The following TCF7L2 variants were observed in gnomAD, a reference collection of about 807,000 sequenced individuals.
TCF7L2 encodes the protein transcription factor 7 like 2, also known as transcription factor 7-like 2.
Under a neutral mutation model 77.9 loss-of-function variants are expected in TCF7L2, and 23 were observed. That is an observed-to-expected ratio of 0.30 (90% CI 0.21 to 0.42). The LOEUF is 0.42. Ranked by LOEUF, TCF7L2 falls within the 10% of genes least tolerant of loss-of-function variation. TCF7L2 has a pLI of 1.00. For missense variants in TCF7L2, 654 were observed against 793.1 expected (o/e 0.82, Z 2.11); for synonymous variants, 413 against 340.2 (o/e 1.21, Z -2.36).
chr10:113,086,497 C>T (rs1318442086), intron 5 of TCF7L2, among the ~76,000 whole-genome samples: 4 of 152,192 alleles, frequency 2.6e-5, no homozygotes, highest in Non-Finnish European at 5.9e-5. Flanking sequence ...GATTCTGAAC[C>T]TGCATCTATG....
chr10:113,160,544 T>A, intron 12 of TCF7L2: 1 of 1,345,132 alleles, frequency 7.4e-7, no homozygotes, highest in African/African-American at 1.5e-5. Context: ...AAGGAAGCTG[T>A]AGCTGAGATT....
Position 113,064,087 on chromosome 10 carries a change from G to A in TCF7L2, c.552+23961G>A, listed in dbSNP as rs1452453215. On this transcript the variant is annotated intron_variant, in intron 5 of 13. Transcript: ENST00000627217. ...TGTTAAGAGCTTGCTGGAGTCAGGT[G>A]GAGTCCCTGCCATTTTGCCTCTCAT... Among the ~76,000 whole-genome samples, 3 of 152,166 alleles carry A rather than the reference G, an allele frequency of 2.0e-5. No individual in the cohort carries two copies. The East Asian group carries it at 5.8e-4, about 29-fold the overall frequency.
At chr10:113,022,566 C>T (rs925218517) in intron 4 of TCF7L2, among the ~76,000 whole-genome samples, 2 of 152,186 alleles carry the variant, frequency 1.3e-5, no homozygotes, top group African/African-American at 4.8e-5. Context: ...GTGTTCATTT[C>T]CCCCTTAAGC....
chr10:113,102,680 C>T (rs552481556), intron 5 of TCF7L2, among the ~76,000 whole-genome samples: 20 of 152,182 alleles, frequency 1.3e-4, no homozygotes, highest in African/African-American at 4.6e-4. Flanking sequence ...TCTTCCTCGG[C>T]CCCTCTAAGT....
In TCF7L2 at chr10:113,167,209, A is replaced by AGAT. The variant is rs1291968266; in HGVS notation, c.*1238_*1240dup. 1.3e-4 allele frequency: 30 copies of AGAT among 229,196 alleles called. No individual in the cohort carries two copies. The highest frequency in any genetic ancestry group is 6.6e-4 in the African/African-American group (30 of 45,254). 14.2% of individuals were successfully genotyped at this position (229,196 alleles called of 1,614,324 possible). On this transcript the variant is annotated 3_prime_UTR_variant, in exon 14 of 14. Transcript: ENST00000627217. Reference sequence around the variant, plus strand: ...CCTATAACAAAATGTGTTTGGTAGCAGATTGTCCAGAAAGCATTTTAAATG... The same window carrying AGAT: ...CCTATAACAAAATGTGTTTGGTAGCAGATGATTGTCCAGAAAGCATTTTAAATG...
chr10:113,148,735 G>A (rs2137059471), intron 8 of TCF7L2, among the ~76,000 whole-genome samples: 1 of 152,340 alleles, frequency 6.6e-6, no homozygotes, highest in South Asian at 2.1e-4. Context: ...ATAGTAGTCT[G>A]CAGAAAGGAA....
chr10:113,041,938 G>A (rs1436820143), intron 5 of TCF7L2, among the ~76,000 whole-genome samples: 1 of 152,168 alleles, frequency 6.6e-6, no homozygotes, highest in Non-Finnish European at 1.5e-5. Context: ...CTCTCTCTTT[G>A]AGTGAGGAGA....
intron 4 of TCF7L2, among the ~76,000 whole-genome samples, chr10:113,003,386 T>A (rs574293326): frequency 6.2e-4 from 95 of 152,286 alleles, no homozygotes; most frequent in African/African-American, 2.2e-3. Flanking sequence ...GCCAGTAGTG[T>A]CTGCTTTGTA....
intron 5 of TCF7L2, among the ~76,000 whole-genome samples, chr10:113,074,496 T>C (rs1448152634): frequency 1.3e-5 from 2 of 152,214 alleles, no homozygotes. Context: ...TGTCACTTCA[T>C]ACATTTATAA....
chr10:112,951,480 T>C lies in TCF7L2; in HGVS notation c.257-3T>C. On this transcript the variant is annotated splice_polypyrimidine_tract_variant and splice_region_variant and intron_variant, in intron 2 of 13. Transcript: ENST00000627217. ...CTGTCCCCTCGCCGCCCCGCCATGT[T>C]AGCGGCCAAGAGGCAAGATGGAGGG... The C allele has an allele frequency of 7.0e-7, 1 of 1,423,296 alleles. No homozygotes were observed. The highest frequency in any genetic ancestry group is 1.5e-5 in the African/African-American group (1 of 66,190). The allele number at this position is 1,423,296 out of a possible 1,614,324, so 88.2% of individuals were successfully genotyped here. A position where few individuals can be genotyped will look rare whatever the true frequency, so the allele number is the denominator to read the frequency against.
chr10:113,020,266 G>A (rs1590563475), intron 4 of TCF7L2, among the ~76,000 whole-genome samples: 1 of 152,178 alleles, frequency 6.6e-6, no homozygotes, highest in Non-Finnish European at 1.5e-5. Flanking sequence ...ATTGACGTGG[G>A]TAGGAAGACA....
At position 113,165,543 on chromosome 10, in the gene TCF7L2, C is replaced by T. The variant is rs755065964; in HGVS notation, c.1392-12C>T. ...CCCTCTATTCACAGATAACTCTCTC[C>T]CCTGTTTCTAGGAGAAAAAAAAAGT... On this transcript the variant is annotated splice_polypyrimidine_tract_variant and intron_variant, in intron 13 of 13. Coordinates refer to ENST00000627217, the MANE Select transcript of TCF7L2 (RefSeq NM_001146274.2). 4 of 1,613,516 alleles carry T rather than the reference C, an allele frequency of 2.5e-6. No individual in the cohort carries two copies. The highest frequency in any genetic ancestry group is 2.2e-5 in the South Asian group (2 of 90,974).
In TCF7L2 at chr10:113,010,967, C is replaced by T. The variant is rs551553212; in HGVS notation, c.451-29058C>T. Among the ~76,000 whole-genome samples the T allele has an allele frequency of 2.0e-5, 3 of 152,206 alleles. No homozygotes were observed. The South Asian group carries it at 6.2e-4, about 32-fold the overall frequency. ...GCTGCAGTGAGCTGGCATTGTGCCA[C>T]TGTACTCCAGCCTGGGCAATGAGAG... On this transcript the variant is annotated intron_variant, in intron 4 of 13. Transcript: ENST00000627217.
At chr10:113,124,195 A>T (rs891458334) in intron 5 of TCF7L2, among the ~76,000 whole-genome samples, 1 of 30,824 alleles carries the variant, frequency 3.2e-5, no homozygotes, top group Non-Finnish European at 5.9e-5. Flanking sequence ...AGAAACCTTA[A>T]AAAAAATTTT....
At chr10:113,047,621 C>T (rs2053683664) in intron 5 of TCF7L2, among the ~76,000 whole-genome samples, 2 of 152,170 alleles carry the variant, frequency 1.3e-5, no homozygotes, top group Admixed American at 1.3e-4. Flanking sequence ...CTCTTATAAC[C>T]TCACATTTTT....
chr10:113,063,224 C>T (rs2056759103), intron 5 of TCF7L2, among the ~76,000 whole-genome samples: 2 of 152,120 alleles, frequency 1.3e-5, no homozygotes, highest in African/African-American at 2.4e-5. Flanking sequence ...TGTCTTATAT[C>T]CTTGGAGTAG....
chr10:113,140,240 G>T (rs1037893384), intron 5 of TCF7L2, among the ~76,000 whole-genome samples: 2 of 152,128 alleles, frequency 1.3e-5, no homozygotes, highest in Non-Finnish European at 2.9e-5. Flanking sequence ...GTAGTGGAGT[G>T]GGGAGGGGTG....
intron 12 of TCF7L2, among the ~76,000 whole-genome samples, chr10:113,159,144 T>C (rs890703723): frequency 1.3e-5 from 2 of 149,750 alleles, no homozygotes; most frequent in African/African-American, 4.9e-5. Flanking sequence ...TTTTTTCCTT[T>C]GCTTTTTTTT....
At chr10:113,025,263 A>T (rs2048951919) in intron 4 of TCF7L2, among the ~76,000 whole-genome samples, 1 of 142,234 alleles carries the variant, frequency 7.0e-6, no homozygotes, top group African/African-American at 2.7e-5. Context: ...TGGAATCTCA[A>T]GTCTCGCTCT....
Sources: allele counts gnomAD v4.1 joint callset (sites outside exome capture counted in the v4.1 genomes callset), GRCh38; gene constraint gnomAD v4.1.1; transcripts MANE v1.5; gene names NCBI Gene and HGNC (gene_info 2026-07-23, HGNC 2026-07-21).